PCDH11X: variants seen among roughly 807,000 people sequenced by gnomAD.
PCDH11X encodes protocadherin-11 X-linked.
In PCDH11X, 18 loss-of-function variants were observed where a neutral mutation model predicts 53.3. The observed-to-expected ratio is 0.34, with a 90% CI of 0.23 to 0.50. PCDH11X has a LOEUF of 0.50. Among genes scored for constraint, PCDH11X ranks in the 20% least tolerant of loss-of-function variants. The pLI, the probability that PCDH11X is intolerant of heterozygous loss-of-function variation, is 0.98. For synonymous variants in PCDH11X, 279 were observed against 393.3 expected (o/e 0.71, Z 3.44); for missense variants, 570 against 1,032.4 (o/e 0.55, Z 6.14).
At chrX:92,508,445 T>C (rs2074106327) in intron 10 of PCDH11X, among the ~76,000 whole-genome samples, 1 of 109,374 alleles carries the variant, frequency 9.1e-6, no homozygotes, top group South Asian at 4.0e-4. Context: ...ATGGTCTCGA[T>C]TTCCTGACCT....
At chrX:92,169,820 G>A (rs1266490642) in intron 6 of PCDH11X, among the ~76,000 whole-genome samples, 1 of 110,788 alleles carries the variant, frequency 9.0e-6, no homozygotes, top group African/African-American at 3.3e-5. Context: ...ATGTACTGAT[G>A]ATACAATGAC....
At position 92,621,200 on chromosome X, in the gene PCDH11X, A is replaced by G. The variant is rs1452356802; in HGVS notation, c.*2260A>G. On this transcript the variant is annotated 3_prime_UTR_variant, in exon 11 of 11. Coordinates refer to ENST00000682573, the MANE Select transcript of PCDH11X (RefSeq NM_032968.5). ...TGATATAAAAAGAAGAGGTTGAAAG[A>G]TTATTAAATAACTTATCAGGCATCT... The G allele has an allele frequency of 1.0e-5, 1 of 100,095 alleles. No homozygotes were observed. The highest frequency in any genetic ancestry group is 2.0e-5 in the Non-Finnish European group (1 of 50,284). The allele number at this position is 100,095 out of a possible 1,213,427, so 8.2% of individuals were successfully genotyped here.
At chrX:92,274,984 T>G (rs1187064744) in intron 8 of PCDH11X, among the ~76,000 whole-genome samples, 1 of 109,530 alleles carries the variant, frequency 9.1e-6, no homozygotes, top group South Asian at 4.0e-4. Flanking sequence ...CAATGGTAAT[T>G]GTGGGACTTA....
chrX:92,526,140 T>G (rs1335114647), intron 10 of PCDH11X, among the ~76,000 whole-genome samples: 2 of 111,599 alleles, frequency 1.8e-5, no homozygotes, highest in African/African-American at 6.5e-5. Flanking sequence ...CTTTAGCATT[T>G]TTTTTCTTTT....
intron 6 of PCDH11X, among the ~76,000 whole-genome samples, chrX:91,964,851 C>T (rs1479064042): frequency 9.0e-6 from 1 of 111,351 alleles, no homozygotes; most frequent in African/African-American, 3.3e-5. Flanking sequence ...TCTTTAGGAA[C>T]AGCAGACAGC....
At chrX:92,017,858 C>A in intron 6 of PCDH11X, among the ~76,000 whole-genome samples, 1 of 104,651 alleles carries the variant, frequency 9.6e-6, no homozygotes, top group African/African-American at 3.6e-5. Context: ...TTGCTATAAA[C>A]CTTCAGATTA....
rs1429328742 is a variant in PCDH11X at position 92,326,637 on chromosome X, T to TAG, written c.3145-61097_3145-61096insGA. On this transcript the variant is annotated intron_variant, in intron 8 of 10. Transcript: ENST00000682573. ...TTTTAATAAACTATATATATATATA[T>TAG]ATAGAGAGAGAGAGAGAGAGAGAGA... is the stretch of plus-strand genomic sequence containing the variant. Among the ~76,000 whole-genome samples the TAG allele has an allele frequency of 1.7e-3, 87 of 50,051 alleles. 12 individuals carry two copies. Among genetic ancestry groups the TAG allele is most frequent in the Non-Finnish European group, 2.1e-3 (68 of 32,732 alleles). 43.5% of individuals were successfully genotyped at this position (50,051 alleles called of 115,157 possible).
chrX:92,428,062 T>A (rs2072165739), intron 9 of PCDH11X, among the ~76,000 whole-genome samples: 1 of 100,970 alleles, frequency 9.9e-6, no homozygotes, highest in Non-Finnish European at 2.0e-5. Flanking sequence ...CTAGTGTCAT[T>A]GTAATTTCTC....
rs1174122253 is a variant in PCDH11X at position 92,622,377 on chromosome X, CATG to C, written c.*3438_*3440del. 1 of 110,962 alleles carries C rather than the reference CATG, an allele frequency of 9.0e-6. No homozygotes were observed. The highest frequency in any genetic ancestry group is 1.9e-5 in the Non-Finnish European group (1 of 52,715). 9.1% of individuals were successfully genotyped at this position (110,962 alleles called of 1,213,427 possible). ...GAGAAAATTAAAGGCGTTTTACTCACATGGCTATTTCAACATTAGTTTTTTTTG... is the reference window on the plus strand; with the variant it reads ...GAGAAAATTAAAGGCGTTTTACTCACGCTATTTCAACATTAGTTTTTTTTG... On this transcript the variant is annotated 3_prime_UTR_variant, in exon 11 of 11. Coordinates refer to ENST00000682573, the MANE Select transcript of PCDH11X (RefSeq NM_032968.5).
chrX:91,907,866 T>C (rs948215029), intron 6 of PCDH11X, among the ~76,000 whole-genome samples: 10 of 111,607 alleles, frequency 9.0e-5, no homozygotes, highest in African/African-American at 3.3e-4. Flanking sequence ...TCCCTCTTAT[T>C]AGTGAGAACA....
intron 7 of PCDH11X, among the ~76,000 whole-genome samples, chrX:92,225,349 G>A (rs962824707): frequency 4.7e-5 from 5 of 105,407 alleles, no homozygotes; most frequent in Admixed American, 1.0e-4. Flanking sequence ...AAAAAAAAGC[G>A]TTTACTGAGG....
chrX:92,518,876 C>G (rs1359182931), intron 10 of PCDH11X, among the ~76,000 whole-genome samples: 1 of 106,396 alleles, frequency 9.4e-6, no homozygotes, highest in Non-Finnish European at 1.9e-5. Flanking sequence ...CCTGCCTCAG[C>G]CTCCCGAGTA....
At chrX:91,927,654 C>A (rs1265248916) in intron 6 of PCDH11X, among the ~76,000 whole-genome samples, 1 of 111,771 alleles carries the variant, frequency 8.9e-6, no homozygotes, top group Non-Finnish European at 1.9e-5. Context: ...AATGAGGAAT[C>A]TTAGGAAACC....
At chrX:92,260,441 T>C (rs1460786434) in intron 7 of PCDH11X, among the ~76,000 whole-genome samples, 1 of 111,225 alleles carries the variant, frequency 9.0e-6, no homozygotes, top group African/African-American at 3.3e-5. Flanking sequence ...AGATGCTCTC[T>C]GCATCATGCC....
chrX:92,444,474 C>A (rs779349844), intron 9 of PCDH11X, among the ~76,000 whole-genome samples: 265 of 103,386 alleles, frequency 2.6e-3, no homozygotes, highest in Non-Finnish European at 4.0e-3. Context: ...TTTTGTCAAC[C>A]ACAAACAGTG....
intron 6 of PCDH11X, among the ~76,000 whole-genome samples, chrX:92,081,711 A>AACACACACAC (rs34848503): frequency 9.9e-6 from 1 of 100,841 alleles, no homozygotes; most frequent in Non-Finnish European, 2.0e-5. Flanking sequence ...CTGAGCCAAT[A>AACACACACAC]ACACACACAC....
chrX:91,816,663 CA>C (rs1936461875), intron 4 of PCDH11X, among the ~76,000 whole-genome samples: 1 of 111,160 alleles, frequency 9.0e-6, no homozygotes, highest in Non-Finnish European at 1.9e-5. Context: ...CTGTGTTAGC[CA>C]ATGTATATTA....
At chrX:92,471,535 A>G (rs2073263063) in intron 10 of PCDH11X, among the ~76,000 whole-genome samples, 1 of 110,706 alleles carries the variant, frequency 9.0e-6, no homozygotes, top group African/African-American at 3.3e-5. Flanking sequence ...GGTTGATATC[A>G]TATCTTTGCT....
intron 6 of PCDH11X, among the ~76,000 whole-genome samples, chrX:92,136,757 CAG>C (rs1159101976): frequency 9.1e-5 from 10 of 109,991 alleles, no homozygotes; most frequent in African/African-American, 3.3e-4. Flanking sequence ...AACTTTTAAT[CAG>C]AGTGTGACGG....
Sources: allele counts gnomAD v4.1 joint callset (sites outside exome capture counted in the v4.1 genomes callset), GRCh38; gene constraint gnomAD v4.1.1; transcripts MANE v1.5; gene names NCBI Gene and HGNC (gene_info 2026-07-23, HGNC 2026-07-21).